The following NOX4 variants were observed in gnomAD, a reference collection of about 807,000 sequenced individuals.
NOX4 encodes the protein kidney oxidase-1.
Under a neutral mutation model 87.6 loss-of-function variants are expected in NOX4, and 69 were observed. The observed-to-expected ratio is 0.79, with a 90% CI of 0.65 to 0.96. The LOEUF (loss-of-function observed/expected upper bound fraction) is 0.96, where lower values mean the gene tolerates loss of function less well. NOX4 is among the 40% of genes least tolerant of loss of function. The probability of loss-of-function intolerance (pLI) is 0.00; values close to 1 mark genes in which losing one functional copy is unlikely to be tolerated. For missense variants in NOX4, 680 were observed against 681.5 expected (o/e 1.00, Z 0.02); for synonymous variants, 275 against 238.2 (o/e 1.15, Z -1.42).
upstream of NOX4, among the ~76,000 whole-genome samples, chr11:89,503,089 C>A (rs1947038886): frequency 1.3e-5 from 2 of 151,920 alleles, no homozygotes; most frequent in South Asian, 2.1e-4. Flanking sequence ...ATTTTAACAG[C>A]AAATTTGGAA....
chr11:89,426,571 T>C (rs889483449), intron 7 of NOX4, among the ~76,000 whole-genome samples: 2 of 152,062 alleles, frequency 1.3e-5, no homozygotes, highest in African/African-American at 4.8e-5. Context: ...CACCAGGAGA[T>C]TATATCCCAC....
upstream of NOX4, among the ~76,000 whole-genome samples, chr11:89,502,521 A>G (rs1333477001): frequency 6.6e-6 from 1 of 152,182 alleles, no homozygotes; most frequent in Non-Finnish European, 1.5e-5. Flanking sequence ...CTGGATTGCT[A>G]AATGACCTCC....
the NOX4 span, among the ~76,000 whole-genome samples, chr11:89,552,337 T>C: frequency 6.6e-6 from 1 of 152,228 alleles, no homozygotes; most frequent in Non-Finnish European, 1.5e-5. Context: ...TGTACTATCT[T>C]GTGTCAATCA....
At chr11:89,582,130 C>A in the NOX4 span, among the ~76,000 whole-genome samples, 1 of 152,116 alleles carries the variant, frequency 6.6e-6, no homozygotes, top group Non-Finnish European at 1.5e-5. Context: ...AGTGTTCATC[C>A]TGGCTTATTT....
the NOX4 span, among the ~76,000 whole-genome samples, chr11:89,509,718 G>A: frequency 6.6e-6 from 1 of 151,958 alleles, no homozygotes; most frequent in Admixed American, 6.6e-5. Flanking sequence ...AACCACAAGG[G>A]CAGAAAGTAA....
At chr11:89,503,255 A>G in the NOX4 span, among the ~76,000 whole-genome samples, 296 of 152,104 alleles carry the variant, frequency 1.9e-3, 1 homozygote, top group Non-Finnish European at 2.9e-3. Flanking sequence ...GAGGTCACAG[A>G]GAGATAAGTC....
intron 2 of NOX4, among the ~76,000 whole-genome samples, chr11:89,457,130 GC>G (rs1389276804): frequency 2.0e-5 from 3 of 152,172 alleles, no homozygotes; most frequent in Non-Finnish European, 2.9e-5. Flanking sequence ...CCAACCTGCA[GC>G]CTTGACCCAC....
At chr11:89,540,103 C>A in the NOX4 span, among the ~76,000 whole-genome samples, 1 of 152,104 alleles carries the variant, frequency 6.6e-6, no homozygotes, top group Non-Finnish European at 1.5e-5. Flanking sequence ...ACGTAATACC[C>A]GTGTCCTCAT....
At chr11:89,464,439 ATTT>A (rs1050260313) in intron 2 of NOX4, among the ~76,000 whole-genome samples, 1 of 152,218 alleles carries the variant, frequency 6.6e-6, no homozygotes, top group Admixed American at 6.5e-5. Flanking sequence ...AGACGGACCC[ATTT>A]TTAAGTGGCA....
chr11:89,339,983 C>A (rs1483882222), intron 15 of NOX4, 80 bp downstream of exon 15: 2 of 664,954 alleles, frequency 3.0e-6, no homozygotes, highest in African/African-American at 3.8e-5. Flanking sequence ...CTATGGCAAG[C>A]ATTTATTGCT....
chr11:89,427,471 T>A (rs1943496570), intron 7 of NOX4, among the ~76,000 whole-genome samples: 2 of 151,972 alleles, frequency 1.3e-5, no homozygotes, highest in African/African-American at 4.8e-5. Flanking sequence ...GCTAAAAACC[T>A]TGAAAAAAAA....
intron 17 of NOX4, among the ~76,000 whole-genome samples, chr11:89,333,080 T>A (rs1351395803): frequency 6.6e-6 from 1 of 151,878 alleles, no homozygotes; most frequent in East Asian, 1.9e-4. Flanking sequence ...CATGAGAAAG[T>A]ATGTACAAAG....
chr11:89,369,060 C>T (rs1230507886), intron 12 of NOX4, among the ~76,000 whole-genome samples: 1 of 152,028 alleles, frequency 6.6e-6, no homozygotes, highest in Non-Finnish European at 1.5e-5. Context: ...TCCTTGTATG[C>T]TGCAAATGCA....
chr11:89,565,125 C>T, the NOX4 span, among the ~76,000 whole-genome samples: 1 of 152,134 alleles, frequency 6.6e-6, no homozygotes, highest in East Asian at 1.9e-4. Context: ...TTGAGTCTTC[C>T]TATTCATGAA....
the NOX4 span, among the ~76,000 whole-genome samples, chr11:89,555,538 A>G: frequency 2.0e-5 from 3 of 152,142 alleles, no homozygotes; most frequent in Non-Finnish European, 4.4e-5. Flanking sequence ...CCTGTTATTA[A>G]TTTATCCTCT....
chr11:89,565,802 C>T, the NOX4 span, among the ~76,000 whole-genome samples: 2 of 151,586 alleles, frequency 1.3e-5, no homozygotes, highest in Non-Finnish European at 2.9e-5. Flanking sequence ...CATTTTATCA[C>T]TAGCTTTTGA....
intron 12 of NOX4, among the ~76,000 whole-genome samples, chr11:89,365,753 CAAAA>C (rs1213376592): frequency 1.6e-4 from 9 of 56,644 alleles, no homozygotes; most frequent in Non-Finnish European, 2.3e-4. Flanking sequence ...ACCACGCCCA[CAAAA>C]AAAAAAAAAA....
chr11:89,486,217 T>C (rs1356767326), intron 2 of NOX4, among the ~76,000 whole-genome samples: 1 of 151,242 alleles, frequency 6.6e-6, no homozygotes, highest in Admixed American at 6.6e-5. Context: ...ACTCAGAAGA[T>C]GAGACAGAAG....
the NOX4 span, among the ~76,000 whole-genome samples, chr11:89,510,427 A>C: frequency 6.6e-6 from 1 of 152,136 alleles, no homozygotes; most frequent in Admixed American, 6.6e-5. Flanking sequence ...TCTCTGGCTT[A>C]ACTACGAATA....
Sources: allele counts gnomAD v4.1 joint callset (sites outside exome capture counted in the v4.1 genomes callset), GRCh38; gene constraint gnomAD v4.1.1; transcripts MANE v1.5; gene names NCBI Gene and HGNC (gene_info 2026-07-23, HGNC 2026-07-21).